SERPINA9: variants seen among roughly 807,000 people sequenced by gnomAD.
SERPINA9 encodes the protein serpin family A member 9.
A neutral mutation model predicts 24.5 loss-of-function variants in SERPINA9; 32 were observed. The ratio of observed to expected loss-of-function variants is 1.30; its 90% CI spans 0.98 to 1.75. The LOEUF (loss-of-function observed/expected upper bound fraction) is 1.75. Among genes scored for constraint, SERPINA9 ranks in the 40% most tolerant of loss-of-function variants. The pLI, the probability that SERPINA9 is intolerant of heterozygous loss-of-function variation, is 0.00. For missense variants in SERPINA9, 594 were observed against 497.1 expected, an observed-to-expected ratio of 1.19 and a Z score of -1.85; for synonymous variants, 233 against 197.7, an observed-to-expected ratio of 1.18 and a Z score of -1.50.
At chr14:94,465,145 G>T (rs1445548526) in intron 3 of SERPINA9, among the ~76,000 whole-genome samples, 1 of 152,172 alleles carries the variant, frequency 6.6e-6, no homozygotes, top group Non-Finnish European at 1.5e-5. Context: ...AACAGGAGAC[G>T]TCCAGTAGCA....
chr14:94,464,793 G>A lies in SERPINA9; in HGVS notation c.964C>T (p.Leu322Phe), dbSNP rs779150873. Residue 322 changes from leucine to phenylalanine, a missense_variant, in exon 4 of 5, where the codon CTC becomes TTC. By Grantham distance (22) the Leu-to-Phe change is conservative. Coordinates refer to ENST00000674397, the MANE Select transcript of SERPINA9 (RefSeq NM_175739.4). ...ISASYNLETI[L>F]PKMGIQNVFD... ...ACATTTTGGATGCCCATCTTCGGGAGGATGGTTTCCAGATTGTAGGAGGCA... is the reference window on the plus strand; with the variant it reads ...ACATTTTGGATGCCCATCTTCGGGAAGATGGTTTCCAGATTGTAGGAGGCA... 1 of 1,612,412 alleles carries A rather than the reference G, an allele frequency of 6.2e-7. No individual in the cohort carries two copies. Among genetic ancestry groups the A allele is most frequent in the Non-Finnish European group, 8.5e-7 (1 of 1,178,466 alleles).
At chr14:94,469,089 C>G in intron 2 of SERPINA9, 124 bp downstream of exon 2, 2 of 826,318 alleles carry the variant, frequency 2.4e-6, no homozygotes, top group Non-Finnish European at 3.7e-6. Context: ...CTAATTAGAG[C>G]TCAGGCCCTC....
chr14:94,475,159 G>A (rs1899525877), intron 1 of SERPINA9, among the ~76,000 whole-genome samples: 1 of 152,236 alleles, frequency 6.6e-6, no homozygotes, highest in South Asian at 2.1e-4. Flanking sequence ...CTGTGGCAAG[G>A]CTCCATGTGT....
At chr14:94,472,208 T>C (rs1427748174) in intron 1 of SERPINA9, among the ~76,000 whole-genome samples, 4 of 152,118 alleles carry the variant, frequency 2.6e-5, no homozygotes, top group Non-Finnish European at 5.9e-5. Context: ...TCAACACCAA[T>C]AGCAACAGCC....
intron 4 of SERPINA9, 101 bp from the exon 5 acceptor site, chr14:94,463,397 C>T: frequency 1.0e-6 from 1 of 1,002,378 alleles, no homozygotes; most frequent in South Asian, 1.5e-5. Context: ...GTGATGTCTA[C>T]CTTGAAAGGA....
chr14:94,470,627 T>C (rs8014978), intron 1 of SERPINA9, among the ~76,000 whole-genome samples: 64,193 of 152,176 alleles, frequency 0.42, 13,795 homozygotes, highest in Middle Eastern at 0.55. Context: ...TTCTCTGTTT[T>C]GCCTTTGTAA....
intron 1 of SERPINA9, among the ~76,000 whole-genome samples, chr14:94,475,191 C>T (rs1899528336): frequency 6.6e-6 from 1 of 152,314 alleles, no homozygotes; most frequent in East Asian, 1.9e-4. Flanking sequence ...CCTGTCTGCT[C>T]CTTCCCTGCC....
rs1899223770 is a variant in SERPINA9, at chr14:94,469,807, C to A, written c.34G>T (p.Val12Phe). ...ASYLYGVLFA[V>F]GLCAPIYCVS... ...CAGTAGATTGGAGCACAGAGGCCAACAGCAAAGAGTACTCCATAAAGGTAA... is the reference window on the plus strand; with the variant it reads ...CAGTAGATTGGAGCACAGAGGCCAAAAGCAAAGAGTACTCCATAAAGGTAA... Residue 12 changes from valine to phenylalanine, a missense_variant, in exon 2 of 5, where the codon GTT becomes TTT. Transcript: ENST00000674397. The A allele has an allele frequency of 6.6e-7, 1 of 1,523,110 alleles. No homozygotes were observed. The highest frequency in any genetic ancestry group is 1.3e-5 in the South Asian group (1 of 76,162). The allele number at this position is 1,523,110 out of a possible 1,614,324, so 94.3% of individuals were successfully genotyped here.
rs1057380388 is a variant in SERPINA9 at position 94,475,486 on chromosome 14, A to G, written c.-18+650T>C. Among the ~76,000 whole-genome samples, 10 of 151,680 alleles carry G rather than the reference A, an allele frequency of 6.6e-5. No individual in the cohort carries two copies. In the East Asian group the frequency reaches 2.0e-3, roughly 30 times the overall value. ...CACTGAGCAGACAACCTTGCCTCCT[A>G]TCTCACATAAAAGAGAGATCCTATG... On this transcript the variant is annotated intron_variant, in intron 1 of 4. Coordinates refer to ENST00000674397, the MANE Select transcript of SERPINA9 (RefSeq NM_175739.4).
chr14:94,464,532 C>T, intron 4 of SERPINA9, 175 bp downstream of exon 4: 2 of 601,316 alleles, frequency 3.3e-6, no homozygotes, highest in Non-Finnish European at 5.8e-6. Context: ...ATAACAGATG[C>T]TGCATGCCAG....
chr14:94,470,195 T>C, intron 1 of SERPINA9: 4 of 1,040,894 alleles, frequency 3.8e-6, no homozygotes, highest in Non-Finnish European at 4.6e-6. Flanking sequence ...ACTTATTTTT[T>C]AAGAATTGAG....
At chr14:94,465,527 T>C (rs1169417486) in intron 3 of SERPINA9, among the ~76,000 whole-genome samples, 1 of 133,408 alleles carries the variant, frequency 7.5e-6, no homozygotes, top group Non-Finnish European at 1.5e-5. Flanking sequence ...AGCCCACATG[T>C]GTTGAACTTC....
intron 2 of SERPINA9, among the ~76,000 whole-genome samples, chr14:94,468,699 C>CATCTAT (rs372489022): frequency 1.6e-4 from 24 of 152,290 alleles, no homozygotes; most frequent in Admixed American, 9.1e-4. Context: ...CATATATCTA[C>CATCTAT]ATCTATATCT....
At chr14:94,468,600 A>G (rs536281385) in intron 2 of SERPINA9, among the ~76,000 whole-genome samples, 4 of 152,374 alleles carry the variant, frequency 2.6e-5, no homozygotes, top group Admixed American at 2.6e-4. Flanking sequence ...TAGAGCAAGT[A>G]TGGGGTAGAG....
rs1899191466 is a variant in SERPINA9 at position 94,469,467 on chromosome 14, C to T, written c.374G>A (p.Ser125Asn). The stretch of plus-strand genomic sequence containing the variant: ...TCCCATCTTCAAGGTCAGGTCTTTG[C>T]TGGGAACAGTCAGTGAGTGAACCAG... ...QHLVHSLTVPSKDLTLKMGSA... is the reference protein window; with the variant it reads ...QHLVHSLTVPNKDLTLKMGSA... The change falls in exon 2 of 5, where the codon AGC becomes AAC. Residue 125 changes from serine (S) to asparagine (N), a missense_variant. Ser to Asn is a conservative substitution (Grantham distance 46). Transcript: ENST00000674397. 2 of 1,614,184 alleles carry T rather than the reference C, an allele frequency of 1.2e-6. No individual in the cohort carries two copies. Among genetic ancestry groups the T allele is most frequent in the Non-Finnish European group, 1.7e-6 (2 of 1,180,040 alleles).
rs1899037174 is a variant in SERPINA9 at position 94,467,106 on chromosome 14, C to T, written c.902+3G>A. On this transcript the variant is annotated splice_donor_region_variant and intron_variant, in intron 3 of 4. Coordinates refer to ENST00000674397, the MANE Select transcript of SERPINA9 (RefSeq NM_175739.4). ...GGCCCAGGAGATTGACACAGATGCC[C>T]ACCTTTTCTGGAGTGAGTGGCTCCA... 1 of 1,612,374 alleles carries T rather than the reference C, an allele frequency of 6.2e-7. No individual in the cohort carries two copies. Among genetic ancestry groups the T allele is most frequent in the Non-Finnish European group, 8.5e-7 (1 of 1,178,936 alleles).
chr14:94,471,344 A>G (rs1231152414), intron 1 of SERPINA9, among the ~76,000 whole-genome samples: 1 of 152,158 alleles, frequency 6.6e-6, no homozygotes, highest in Non-Finnish European at 1.5e-5. Flanking sequence ...AGATAAGAGA[A>G]CCTTTGCCAA....
rs770768929 is a variant in SERPINA9 at position 94,469,887 on chromosome 14, G to A, written c.-17-30C>T. 3.4e-6 allele frequency: 5 copies of A among 1,490,856 alleles called. No individual in the cohort carries two copies. In the East Asian group the frequency reaches 1.1e-4, roughly 34 times the overall value. The allele number at this position is 1,490,856 out of a possible 1,614,324, so 92.4% of individuals were successfully genotyped here. On this transcript the variant is annotated intron_variant, in intron 1 of 4. Coordinates refer to ENST00000674397, the MANE Select transcript of SERPINA9 (RefSeq NM_175739.4). The stretch of plus-strand genomic sequence containing the variant: ...AAGAGAAGTAAGAACCATTGAGGGG[G>A]TAAACTGAGGGTCCAGGCCCTGAAT...
At chr14:94,471,345 C>A (rs1369213995) in intron 1 of SERPINA9, among the ~76,000 whole-genome samples, 1 of 152,136 alleles carries the variant, frequency 6.6e-6, no homozygotes, top group Non-Finnish European at 1.5e-5. Flanking sequence ...GATAAGAGAA[C>A]CTTTGCCAAA....
Sources: gnomAD v4.1 joint callset for allele counts (sites outside exome capture counted in the v4.1 genomes callset) on GRCh38, gnomAD v4.1.1 for gene constraint, MANE v1.5 for transcripts, NCBI Gene and HGNC (gene_info 2026-07-23, HGNC 2026-07-21) for gene names.